The following CHM variants were observed in gnomAD, a reference collection of about 807,000 sequenced individuals.
The protein encoded by CHM is CHM Rab escort protein.
A neutral mutation model predicts 49.0 loss-of-function variants in CHM; 10 were observed. The observed-to-expected ratio is 0.20, with a 90% CI of 0.13 to 0.35. The LOEUF (loss-of-function observed/expected upper bound fraction) is 0.35, where lower values mean the gene tolerates loss of function less well. Among genes scored for constraint, CHM ranks in the 10% least tolerant of loss-of-function variants. CHM has a pLI of 1.00. For missense variants in CHM, 455 were observed against 478.4 expected (o/e 0.95, Z 0.46); for synonymous variants, 184 against 167.5 (o/e 1.10, Z -0.76).
At chrX:85,947,282 G>C (rs1281541862) in intron 8 of CHM, among the ~76,000 whole-genome samples, 1 of 112,128 alleles carries the variant, frequency 8.9e-6, no homozygotes, top group Non-Finnish European at 1.9e-5. Context: ...GTAGTTCCCA[G>C]TATTGGAGGT....
intron 14 of CHM, among the ~76,000 whole-genome samples, chrX:85,870,491 A>G (rs1463548564): frequency 1.8e-5 from 2 of 111,991 alleles, no homozygotes; most frequent in Admixed American, 1.9e-4. Flanking sequence ...TGCCCAGCCC[A>G]ACATCAGCCA....
At chrX:85,899,862 T>A (rs1926144398) in intron 11 of CHM, among the ~76,000 whole-genome samples, 1 of 110,427 alleles carries the variant, frequency 9.1e-6, no homozygotes, top group Non-Finnish European at 1.9e-5. Flanking sequence ...TGAATGAGGT[T>A]TCATCTCACA....
Position 85,981,776 on chromosome X carries a change from A to G in CHM, c.150T>C (p.Phe50=). Residue 50 remains phenylalanine, a synonymous_variant, in exon 3 of 15, where the codon TTT becomes TTC. Transcript: ENST00000357749. ...GCCAGGACAATAGTCCTGAAAAGCT[A>G]AAACTGGCCCAGTTTCCTCCATAGT... The part of the protein sequence containing the change: ...RSYYGGNWAS[F]SFSGLLSWLK... 8.4e-7 allele frequency: 1 copy of G among 1,196,692 alleles called. No individual in the cohort carries two copies. Among genetic ancestry groups the G allele is most frequent in the South Asian group, 1.8e-5 (1 of 55,059 alleles).
At chrX:85,981,341 C>T (rs2147711533) in intron 3 of CHM, among the ~76,000 whole-genome samples, 1 of 104,774 alleles carries the variant, frequency 9.5e-6, no homozygotes, top group Non-Finnish European at 1.9e-5. Flanking sequence ...TCAAGTGATT[C>T]TCCTGCCTCA....
chrX:85,941,905 A>G (rs1303205195), intron 8 of CHM, among the ~76,000 whole-genome samples: 1 of 111,707 alleles, frequency 9.0e-6, no homozygotes, highest in African/African-American at 3.3e-5. Context: ...AGTAATAGTA[A>G]TAACAGCTAA....
At chrX:85,897,445 G>T (rs1925971652) in intron 11 of CHM, among the ~76,000 whole-genome samples, 1 of 106,939 alleles carries the variant, frequency 9.4e-6, no homozygotes, top group African/African-American at 3.4e-5. Flanking sequence ...GCGTGTACAA[G>T]AGCACTTGTC....
intron 4 of CHM, among the ~76,000 whole-genome samples, chrX:85,974,497 C>T (rs2147698692): frequency 9.0e-6 from 1 of 111,556 alleles, no homozygotes; most frequent in East Asian, 2.8e-4. Flanking sequence ...AAGCCTATCA[C>T]ATAGCTTCAG....
intron 2 of CHM, among the ~76,000 whole-genome samples, chrX:86,021,125 C>CATATATAT (rs1569254991): frequency 4.8e-3 from 95 of 19,941 alleles, no homozygotes; most frequent in Non-Finnish European, 5.6e-3. Flanking sequence ...TGTGTATATA[C>CATATATAT]GTATATATAT....
At chrX:85,870,267 T>G (rs959729221) in intron 14 of CHM, among the ~76,000 whole-genome samples, 2 of 112,248 alleles carry the variant, frequency 1.8e-5, no homozygotes, top group Admixed American at 1.9e-4. Flanking sequence ...CAGAAAGTGC[T>G]CAAATGAATG....
intron 8 of CHM, among the ~76,000 whole-genome samples, chrX:85,914,371 C>T (rs1927328507): frequency 9.0e-6 from 1 of 111,200 alleles, no homozygotes; most frequent in Non-Finnish European, 1.9e-5. Context: ...CTGATATCTC[C>T]TCTGGCCACA....
intron 2 of CHM, among the ~76,000 whole-genome samples, chrX:86,017,753 A>G (rs767883353): frequency 1.8e-5 from 2 of 111,914 alleles, no homozygotes; most frequent in East Asian, 5.6e-4. Context: ...AAAGCTACGA[A>G]AAAGCTAGAA....
At position 85,861,906 on chromosome X, in the gene CHM, T is replaced by C. The variant is rs1177472478; in HGVS notation, c.*2724A>G. ...TGTACAATATATTTTATTAATATGA[T>C]TTCAAGCTTAAGGTTTTATAACAAG... is the stretch of plus-strand genomic sequence containing the variant. On this transcript the variant is annotated 3_prime_UTR_variant, in exon 15 of 15. Coordinates refer to ENST00000357749, the MANE Select transcript of CHM (RefSeq NM_000390.4). 1 of 112,122 alleles carries C rather than the reference T, an allele frequency of 8.9e-6. No individual in the cohort carries two copies. Among genetic ancestry groups the C allele is most frequent in the Non-Finnish European group, 1.9e-5 (1 of 53,190 alleles). 9.2% of individuals were successfully genotyped at this position (112,122 alleles called of 1,213,427 possible).
At chrX:85,912,242 T>C (rs746749446) in intron 8 of CHM, among the ~76,000 whole-genome samples, 3 of 111,249 alleles carry the variant, frequency 2.7e-5, no homozygotes, top group Non-Finnish European at 5.7e-5. Flanking sequence ...TCTGGGTCAG[T>C]GAGTAGACTC....
At chrX:85,964,690 G>T (rs1930485509) in intron 4 of CHM, among the ~76,000 whole-genome samples, 2 of 111,925 alleles carry the variant, frequency 1.8e-5, no homozygotes, top group Non-Finnish European at 1.9e-5. Flanking sequence ...TCACAATGTG[G>T]TATCTAATAG....
chrX:85,926,575 AG>A (rs992313880), intron 8 of CHM, among the ~76,000 whole-genome samples: 1 of 111,199 alleles, frequency 9.0e-6, no homozygotes, highest in African/African-American at 3.3e-5. Context: ...AAACTTCAGA[AG>A]GAAAAAAAAA....
chrX:86,008,941 T>C (rs1388523288), intron 2 of CHM, among the ~76,000 whole-genome samples: 1 of 112,546 alleles, frequency 8.9e-6, no homozygotes, highest in Admixed American at 9.4e-5. Flanking sequence ...AAATATCAAG[T>C]AGCATTCATT....
intron 2 of CHM, among the ~76,000 whole-genome samples, chrX:86,000,394 GA>G (rs1363937380): frequency 9.7e-6 from 1 of 103,581 alleles, no homozygotes; most frequent in East Asian, 3.0e-4. Context: ...TTAAATTAGA[GA>G]AAAAGAAAAA....
chrX:85,973,176 G>C (rs1172531064), intron 4 of CHM, among the ~76,000 whole-genome samples: 2 of 106,255 alleles, frequency 1.9e-5, no homozygotes, highest in Non-Finnish European at 3.9e-5. Flanking sequence ...GCACGTGCCT[G>C]TAGTCCCAGC....
intron 8 of CHM, among the ~76,000 whole-genome samples, chrX:85,931,429 T>C (rs1359502990): frequency 8.9e-6 from 1 of 111,919 alleles, no homozygotes; most frequent in Non-Finnish European, 1.9e-5. Context: ...CACAAAGAGA[T>C]ATAGTTCACA....
Sources: gnomAD v4.1 joint callset for allele counts (sites outside exome capture counted in the v4.1 genomes callset) on GRCh38, gnomAD v4.1.1 for gene constraint, MANE v1.5 for transcripts, NCBI Gene and HGNC (gene_info 2026-07-23, HGNC 2026-07-21) for gene names.